The following DLGAP2 variants were observed in gnomAD, a reference collection of about 807,000 sequenced individuals.
The protein encoded by DLGAP2 is disks large-associated protein 2.
Under a neutral mutation model 100.3 loss-of-function variants are expected in DLGAP2, and 26 were observed. That is an observed-to-expected ratio of 0.26 (90% CI 0.19 to 0.36). The LOEUF (loss-of-function observed/expected upper bound fraction) is 0.36, where lower values mean the gene tolerates loss of function less well. Among genes scored for constraint, DLGAP2 ranks in the 10% least tolerant of loss-of-function variants. The pLI is 1.00. For synonymous variants in DLGAP2, 886 were observed against 630.1 expected (o/e 1.41, Z -6.08); for missense variants, 1,858 against 1,453.2 (o/e 1.28, Z -4.53).
At chr8:1,198,175 T>C (rs1797795222) in intron 2 of DLGAP2, among the ~76,000 whole-genome samples, 1 of 152,124 alleles carries the variant, frequency 6.6e-6, no homozygotes, top group East Asian at 1.9e-4. Context: ...GGTGTGGTGC[T>C]GGGCTATGCT....
At chr8:1,305,401 G>A (rs1292673843) in intron 3 of DLGAP2, among the ~76,000 whole-genome samples, 2 of 152,108 alleles carry the variant, frequency 1.3e-5, no homozygotes, top group Non-Finnish European at 2.9e-5. Context: ...TTTACATTTG[G>A]CTTAAAAGAA....
At chr8:1,165,356 CG>C (rs1351991926) in intron 2 of DLGAP2, among the ~76,000 whole-genome samples, 1 of 152,162 alleles carries the variant, frequency 6.6e-6, no homozygotes, top group African/African-American at 2.4e-5. Flanking sequence ...CCAGGACCAT[CG>C]GCCGTTGGCT....
intron 2 of DLGAP2, among the ~76,000 whole-genome samples, chr8:976,121 T>C (rs1800156277): frequency 6.6e-6 from 1 of 152,114 alleles, no homozygotes; most frequent in Non-Finnish European, 1.5e-5. Context: ...AATACTTAGG[T>C]ATAAATCCAA....
chr8:1,463,785 G>A (rs948256809), intron 3 of DLGAP2, among the ~76,000 whole-genome samples: 5 of 152,244 alleles, frequency 3.3e-5, no homozygotes, highest in South Asian at 2.1e-4. Flanking sequence ...CGGGGTGGGC[G>A]AGCAGGTGCA....
intron 3 of DLGAP2, chr8:1,380,937 CAAAAAAAAAAA>C (rs34675828): frequency 6.5e-5 from 5 of 77,110 alleles, no homozygotes; most frequent in East Asian, 4.0e-4. Context: ...GAACATGATT[CAAAAAAAAAAA>C]AAAAAAAAAA....
intron 2 of DLGAP2, among the ~76,000 whole-genome samples, chr8:1,258,439 G>C (rs574449461): frequency 2.2e-4 from 34 of 151,944 alleles, no homozygotes; most frequent in African/African-American, 7.5e-4. Flanking sequence ...GTCGGTGGGT[G>C]GGGGGGAAGA....
intron 3 of DLGAP2, among the ~76,000 whole-genome samples, chr8:1,306,099 G>C (rs556143068): frequency 3.2e-5 from 4 of 125,944 alleles, no homozygotes; most frequent in South Asian, 5.0e-4. Flanking sequence ...AAAAGAGAGA[G>C]GGAGAAAAAA....
intron 3 of DLGAP2, among the ~76,000 whole-genome samples, chr8:1,389,720 G>A (rs562614009): frequency 6.6e-6 from 1 of 152,256 alleles, no homozygotes; most frequent in Non-Finnish European, 1.5e-5. Context: ...AAGGACAGCT[G>A]TTTTCCAGAC....
intron 3 of DLGAP2, among the ~76,000 whole-genome samples, chr8:1,467,115 G>C (rs553149931): frequency 6.6e-6 from 1 of 151,654 alleles, no homozygotes; most frequent in African/African-American, 2.4e-5. Flanking sequence ...CAGAGGGAGG[G>C]AGGGTCCGGC....
intron 2 of DLGAP2, among the ~76,000 whole-genome samples, chr8:1,250,137 C>T (rs1490008361): frequency 6.6e-6 from 1 of 152,172 alleles, no homozygotes; most frequent in Non-Finnish European, 1.5e-5. Context: ...CCTCAGCCTC[C>T]CACAGTGCTG....
intron 8 of DLGAP2, among the ~76,000 whole-genome samples, chr8:1,645,690 G>T (rs1207868903): frequency 6.6e-6 from 1 of 152,152 alleles, no homozygotes; most frequent in Non-Finnish European, 1.5e-5. Context: ...TACCTTAAAA[G>T]GTTGTAATTT....
At chr8:1,312,348 A>C (rs1800632441) in intron 3 of DLGAP2, among the ~76,000 whole-genome samples, 1 of 152,222 alleles carries the variant, frequency 6.6e-6, no homozygotes, top group South Asian at 2.1e-4. Context: ...GACTTCATTA[A>C]AATTTAAAAC....
At chr8:822,414 C>T (rs1207295623) in intron 1 of DLGAP2, among the ~76,000 whole-genome samples, 1 of 152,210 alleles carries the variant, frequency 6.6e-6, no homozygotes, top group Non-Finnish European at 1.5e-5. Context: ...GCTGCGGACA[C>T]TGTCCACAGC....
At chr8:973,877 T>C (rs1351583252) in intron 2 of DLGAP2, among the ~76,000 whole-genome samples, 2 of 140,492 alleles carry the variant, frequency 1.4e-5, no homozygotes, top group African/African-American at 2.7e-5. Flanking sequence ...GGGCCAGGCC[T>C]CTTCCCCTCC....
chr8:946,558 C>T (rs943292156), intron 2 of DLGAP2, among the ~76,000 whole-genome samples: 4 of 152,204 alleles, frequency 2.6e-5, no homozygotes, highest in South Asian at 2.1e-4. Context: ...CCACCGCGCC[C>T]GGCCCGTTCC....
intron 2 of DLGAP2, among the ~76,000 whole-genome samples, chr8:1,163,640 C>A (rs1157696878): frequency 6.6e-6 from 1 of 152,154 alleles, no homozygotes; most frequent in Non-Finnish European, 1.5e-5. Flanking sequence ...GGAGAGGCTG[C>A]AGGCGGCCGC....
intron 2 of DLGAP2, among the ~76,000 whole-genome samples, chr8:997,881 C>T (rs1388527792): frequency 6.6e-6 from 1 of 152,004 alleles, no homozygotes; most frequent in African/African-American, 2.4e-5. Flanking sequence ...CACATACACA[C>T]ATGCATAAAC....
At chr8:1,027,661 G>A (rs1243327039) in intron 2 of DLGAP2, among the ~76,000 whole-genome samples, 3 of 144,286 alleles carry the variant, frequency 2.1e-5, no homozygotes, top group African/African-American at 5.2e-5. Context: ...CCAGGCGCCC[G>A]TTATTCTCCA....
chr8:1,511,934 G>C (rs566977506), intron 4 of DLGAP2, among the ~76,000 whole-genome samples: 4 of 152,222 alleles, frequency 2.6e-5, no homozygotes, highest in East Asian at 1.9e-4. Context: ...GACAAAAAGC[G>C]TGCGTGTTTT....
Sources: gnomAD v4.1 joint callset for allele counts (sites outside exome capture counted in the v4.1 genomes callset) on GRCh38, gnomAD v4.1.1 for gene constraint, MANE v1.5 for transcripts, NCBI Gene and HGNC (gene_info 2026-07-23, HGNC 2026-07-21) for gene names.